The following MEIS2 variants were observed in gnomAD, a reference collection of about 807,000 sequenced individuals.
MEIS2 encodes the protein homeobox protein Meis2.
A neutral mutation model predicts 58.6 loss-of-function variants in MEIS2; 9 were observed. The ratio of observed to expected loss-of-function variants is 0.15; its 90% CI spans 0.09 to 0.27. The LOEUF (loss-of-function observed/expected upper bound fraction) is 0.27. Among genes scored for constraint, MEIS2 ranks in the 10% least tolerant of loss-of-function variants. The pLI is 1.00. For missense variants in MEIS2, 427 were observed against 635.0 expected (o/e 0.67, Z 3.52); for synonymous variants, 221 against 228.4 (o/e 0.97, Z 0.29).
At chr15:37,029,654 A>G (rs536245092) in intron 8 of MEIS2, among the ~76,000 whole-genome samples, 107 of 152,288 alleles carry the variant, frequency 7.0e-4, no homozygotes, top group African/African-American at 2.3e-3. Context: ...TAGAAAGCCA[A>G]GCACACAATC....
At chr15:37,039,651 C>T (rs987916977) in intron 7 of MEIS2, among the ~76,000 whole-genome samples, 3 of 152,072 alleles carry the variant, frequency 2.0e-5, no homozygotes, top group African/African-American at 7.2e-5. Context: ...ATTGAGCATC[C>T]TTTGATGACT....
chr15:37,096,781 AG>A (rs1196353397), intron 2 of MEIS2, among the ~76,000 whole-genome samples: 1 of 152,086 alleles, frequency 6.6e-6, no homozygotes, highest in African/African-American at 2.4e-5. Context: ...CACACTACGG[AG>A]GCCGCGGAAC....
chr15:37,040,375 A>G (rs2062372399), intron 7 of MEIS2, among the ~76,000 whole-genome samples: 1 of 152,140 alleles, frequency 6.6e-6, no homozygotes, highest in African/African-American at 2.4e-5. Flanking sequence ...AGCTTATGCA[A>G]GGGCCCTCCC....
chr15:36,966,249 C>G (rs545039968), intron 8 of MEIS2, among the ~76,000 whole-genome samples: 1 of 152,080 alleles, frequency 6.6e-6, no homozygotes, highest in Admixed American at 6.5e-5. Context: ...CCACAAGACA[C>G]CATTTTTAGG....
chr15:36,999,797 C>T (rs2141592799), intron 8 of MEIS2, among the ~76,000 whole-genome samples: 1 of 152,298 alleles, frequency 6.6e-6, no homozygotes, highest in African/African-American at 2.4e-5. Context: ...CTATTATGTG[C>T]TTGGCACTGC....
rs537775585 is a variant in MEIS2, at chr15:36,964,602, T to C, written c.901-14202A>G. ...GAAATTATATATTTCTATTAGCCCA[T>C]ATTGATTCAGAAAGAAGGGGAAAAA... On this transcript the variant is annotated intron_variant, in intron 8 of 11. Coordinates refer to ENST00000561208, the MANE Select transcript of MEIS2 (RefSeq NM_170675.5). Among the ~76,000 whole-genome samples, 20 of 152,308 alleles carry C rather than the reference T, an allele frequency of 1.3e-4. No homozygotes were observed. In the South Asian group the frequency reaches 4.1e-3, roughly 32 times the overall value.
intron 8 of MEIS2, among the ~76,000 whole-genome samples, chr15:36,958,997 T>A (rs1182319694): frequency 6.6e-6 from 1 of 152,202 alleles, no homozygotes; most frequent in Non-Finnish European, 1.5e-5. Flanking sequence ...GCTATTTAGA[T>A]TTTTCAGTGA....
At chr15:37,010,199 T>G (rs972846834) in intron 8 of MEIS2, among the ~76,000 whole-genome samples, 11 of 151,154 alleles carry the variant, frequency 7.3e-5, no homozygotes, top group Non-Finnish European at 1.3e-4. Context: ...GCCATTCTCC[T>G]GCCTCAGCCT....
chr15:36,895,066 C>G, intron 11 of MEIS2, 85 bp downstream of exon 11: 1 of 1,161,514 alleles, frequency 8.6e-7, no homozygotes, highest in Non-Finnish European at 1.3e-6. Flanking sequence ...CCCACCATGA[C>G]AGTGGGATAG....
chr15:36,971,536 T>TAAAAAAAAGAAAAAAA (rs1567126001), intron 8 of MEIS2, among the ~76,000 whole-genome samples: 2 of 65,436 alleles, frequency 3.1e-5, no homozygotes, highest in Non-Finnish European at 5.0e-5. Context: ...CCTTGTTACA[T>TAAAAAAAAGAAAAAAA]TAAAAAAAAA....
chr15:37,056,606 A>T (rs560492858), intron 7 of MEIS2, among the ~76,000 whole-genome samples: 192 of 152,328 alleles, frequency 1.3e-3, no homozygotes, highest in Non-Finnish European at 2.2e-3. Flanking sequence ...GAACAAAGCG[A>T]GCAGAACTGA....
At chr15:37,087,435 G>A (rs1267351382) in intron 6 of MEIS2, among the ~76,000 whole-genome samples, 1 of 152,156 alleles carries the variant, frequency 6.6e-6, no homozygotes, top group Non-Finnish European at 1.5e-5. Context: ...CAGACTCACA[G>A]CTGATAATGC....
chr15:36,966,695 T>A (rs1279653675), intron 8 of MEIS2, among the ~76,000 whole-genome samples: 1 of 152,180 alleles, frequency 6.6e-6, no homozygotes, highest in Non-Finnish European at 1.5e-5. Flanking sequence ...GGAATTTATA[T>A]TCTGGCAAGG....
intron 8 of MEIS2, among the ~76,000 whole-genome samples, chr15:37,030,245 T>C (rs1279465746): frequency 1.3e-5 from 2 of 152,186 alleles, no homozygotes; most frequent in Non-Finnish European, 2.9e-5. Context: ...CTGGCTTTCA[T>C]GACACCAGGA....
At chr15:36,941,854 TG>T (rs1471608878) in intron 9 of MEIS2, among the ~76,000 whole-genome samples, 3 of 152,212 alleles carry the variant, frequency 2.0e-5, no homozygotes, top group Admixed American at 6.5e-5. Flanking sequence ...GTGTGGGTTT[TG>T]AAGTAGATTT....
intron 8 of MEIS2, among the ~76,000 whole-genome samples, chr15:36,996,870 ACT>A (rs2060539839): frequency 6.6e-6 from 1 of 152,096 alleles, no homozygotes; most frequent in African/African-American, 2.4e-5. Context: ...AATGGGAGTA[ACT>A]CTCCATATTA....
At chr15:36,981,371 T>G (rs2059923466) in intron 8 of MEIS2, among the ~76,000 whole-genome samples, 1 of 152,188 alleles carries the variant, frequency 6.6e-6, no homozygotes, top group African/African-American at 2.4e-5. Context: ...CTAGTTATTT[T>G]AATTTTTTCT....
At chr15:37,014,690 A>G (rs1321191754) in intron 8 of MEIS2, among the ~76,000 whole-genome samples, 1 of 152,184 alleles carries the variant, frequency 6.6e-6, no homozygotes, top group Non-Finnish European at 1.5e-5. Flanking sequence ...TTGGTAACAC[A>G]AAGTCCAGCT....
At chr15:37,100,787 GAGAGA>G (rs1217617408), upstream of MEIS2, 1 of 151,304 alleles carries the variant, frequency 6.6e-6, no homozygotes, top group African/African-American at 2.4e-5. Context: ...GAGAGGGGGA[GAGAGA>G]AGAGGACAGG....
Sources: gnomAD v4.1 joint callset for allele counts (sites outside exome capture counted in the v4.1 genomes callset) on GRCh38, gnomAD v4.1.1 for gene constraint, MANE v1.5 for transcripts, NCBI Gene and HGNC (gene_info 2026-07-23, HGNC 2026-07-21) for gene names.